OLFML2B: variants seen among roughly 807,000 people sequenced by gnomAD.
The protein encoded by OLFML2B is olfactomedin-like protein 2B.
In OLFML2B, 57 loss-of-function variants were observed where a neutral mutation model predicts 74.9. That is an observed-to-expected ratio of 0.76 (90% CI 0.61 to 0.95). The LOEUF (loss-of-function observed/expected upper bound fraction) is 0.95, where lower values mean the gene tolerates loss of function less well. Ranked by LOEUF, OLFML2B falls within the 40% of genes least tolerant of loss-of-function variation. OLFML2B has a pLI of 0.00. For missense variants in OLFML2B, 986 were observed against 970.6 expected, an observed-to-expected ratio of 1.02 and a Z score of -0.21; for synonymous variants, 388 against 405.8, an observed-to-expected ratio of 0.96 and a Z score of 0.53.
chr1:161,992,952 A>G (rs1187869717), intron 6 of OLFML2B, among the ~76,000 whole-genome samples: 1 of 114,980 alleles, frequency 8.7e-6, no homozygotes. Context: ...CGTTGCCACA[A>G]AGCTTCAGTC....
In OLFML2B at chr1:161,998,163, G is replaced by A. The variant is rs145215702; in HGVS notation, c.1136C>T (p.Ser379Leu). ...GTTGGCGATGCTGGGATCTGAGGTC[G>A]AGGGCTGTGGCAGTGCTGAGGACCA... ...APWSSALPQP[S>L]TSDPSIANHA... Residue 379 changes from serine (S) to leucine (L), a missense_variant, in exon 6 of 8, where the codon TCG becomes TTG. Physicochemically the swap from Ser to Leu is moderately radical, Grantham distance 145. Transcript: ENST00000294794. 267 of 1,614,104 alleles carry A rather than the reference G, an allele frequency of 1.7e-4. No individual in the cohort carries two copies. Among genetic ancestry groups the A allele is most frequent in the Middle Eastern group, 5.0e-4 (3 of 6,032 alleles).
chr1:162,017,064 A>G (rs1690561024), intron 3 of OLFML2B, among the ~76,000 whole-genome samples: 1 of 152,252 alleles, frequency 6.6e-6, no homozygotes, highest in Non-Finnish European at 1.5e-5. Flanking sequence ...CTCCACCTTA[A>G]AACTGGAGGT....
chr1:161,985,982 T>G (rs947130333), intron 6 of OLFML2B, among the ~76,000 whole-genome samples: 1 of 152,196 alleles, frequency 6.6e-6, no homozygotes, highest in African/African-American at 2.4e-5. Context: ...GTATTATTAT[T>G]GAGCATAGCC....
intron 1 of OLFML2B, among the ~76,000 whole-genome samples, chr1:162,020,741 C>T (rs1690680422): frequency 6.6e-6 from 1 of 152,142 alleles, no homozygotes; most frequent in African/African-American, 2.4e-5. Context: ...TCTTGAACTC[C>T]TGACCCTAAG....
At chr1:162,003,374 A>T (rs947313711) in intron 4 of OLFML2B, among the ~76,000 whole-genome samples, 1 of 152,152 alleles carries the variant, frequency 6.6e-6, no homozygotes, top group African/African-American at 2.4e-5. Flanking sequence ...GCAGGTTGTC[A>T]TTTCTTCGCC....
intron 5 of OLFML2B, 119 bp downstream of exon 5, chr1:161,999,994 G>C: frequency 2.6e-6 from 2 of 759,874 alleles, no homozygotes; most frequent in South Asian, 3.6e-5. Context: ...GGCCACAGCA[G>C]TAATTGGAAT....
At chr1:162,006,522 G>A (rs1259861008) in intron 3 of OLFML2B, 49 bp from the exon 4 acceptor site, 8 of 1,419,660 alleles carry the variant, frequency 5.6e-6, no homozygotes, top group Non-Finnish European at 6.7e-6. Flanking sequence ...CTGAAGACAA[G>A]CAGGAGGCAG....
intron 1 of OLFML2B, among the ~76,000 whole-genome samples, chr1:162,021,278 A>T (rs1439740033): frequency 6.6e-6 from 1 of 152,284 alleles, no homozygotes; most frequent in Non-Finnish European, 1.5e-5. Context: ...CAAACCCAGG[A>T]AAGCAAACTG....
intron 4 of OLFML2B, among the ~76,000 whole-genome samples, chr1:162,001,601 G>A (rs901805532): frequency 5.3e-5 from 8 of 152,188 alleles, no homozygotes; most frequent in East Asian, 1.9e-4. Context: ...CATTTCTATT[G>A]TTTAAGGCAC....
chr1:162,001,712 T>A (rs1409593243), intron 4 of OLFML2B, among the ~76,000 whole-genome samples: 2 of 152,198 alleles, frequency 1.3e-5, no homozygotes, highest in Non-Finnish European at 2.9e-5. Context: ...ACAGGCACTA[T>A]TTAGGGATGT....
rs768466389 is a variant in OLFML2B, at chr1:162,020,073, C to G, written c.284G>C (p.Gly95Ala). 2 of 1,614,178 alleles carry G rather than the reference C, an allele frequency of 1.2e-6. No individual in the cohort carries two copies. The highest frequency in any genetic ancestry group is 2.2e-5 in the South Asian group (2 of 91,088). Reference sequence around the variant, plus strand: ...ATAGAAGTCTTCCTTCCTGGAGGCCCCCGCATTGATCCTCTGGCAGGCATC... The same window carrying G: ...ATAGAAGTCTTCCTTCCTGGAGGCCGCCGCATTGATCCTCTGGCAGGCATC... Reference protein sequence around the residue: ...GRDACQRINAGASRKEDFYTV... With the variant: ...GRDACQRINAAASRKEDFYTV... Residue 95 changes from glycine (G) to alanine (A), a missense_variant, in exon 2 of 8, where the codon GGG becomes GCG. By Grantham distance (60) the Gly-to-Ala change is moderately conservative (BLOSUM62 0). Transcript: ENST00000294794.
chr1:162,020,322 T>C, intron 1 of OLFML2B, 140 bp from the exon 2 acceptor site: 3 of 916,992 alleles, frequency 3.3e-6, no homozygotes, highest in Non-Finnish European at 4.8e-6. Flanking sequence ...AGCCAATAGG[T>C]CACTGAGATG....
intron 2 of OLFML2B, among the ~76,000 whole-genome samples, chr1:162,019,088 A>G (rs994987377): frequency 2.6e-5 from 4 of 152,172 alleles, no homozygotes; most frequent in African/African-American, 7.2e-5. Context: ...GCTGAAAGAG[A>G]CACTAATGAT....
intron 5 of OLFML2B, 118 bp downstream of exon 5, chr1:161,999,995 T>G: frequency 1.3e-6 from 1 of 759,248 alleles, no homozygotes; most frequent in Non-Finnish European, 2.2e-6. Flanking sequence ...GCCACAGCAG[T>G]AATTGGAATG....
At chr1:162,015,756 T>A (rs1346677921) in intron 3 of OLFML2B, among the ~76,000 whole-genome samples, 1 of 152,176 alleles carries the variant, frequency 6.6e-6, no homozygotes, top group Non-Finnish European at 1.5e-5. Context: ...ATGTCATCAT[T>A]TTGGCTGTTA....
At chr1:162,019,878 G>T in intron 2 of OLFML2B, 41 bp downstream of exon 2, 2 of 1,600,992 alleles carry the variant, frequency 1.2e-6, no homozygotes, top group Non-Finnish European at 1.7e-6. Flanking sequence ...GATCTCAAAA[G>T]TGCCCTCTCG....
At chr1:162,006,230 G>A (rs1690225338) in intron 4 of OLFML2B, 67 bp downstream of exon 4, 1 of 1,439,660 alleles carries the variant, frequency 6.9e-7, no homozygotes, top group South Asian at 1.5e-5. Flanking sequence ...GTTCTATGCA[G>A]AGGAGAGATG....
intron 3 of OLFML2B, among the ~76,000 whole-genome samples, chr1:162,008,887 G>A (rs979738556): frequency 6.6e-6 from 1 of 152,188 alleles, no homozygotes; most frequent in Non-Finnish European, 1.5e-5. Flanking sequence ...GACGGGAAAA[G>A]TTCCTGGCCC....
chr1:161,998,171 T>C lies in OLFML2B; in HGVS notation c.1128A>G (p.Pro376=), dbSNP rs1342261242. ...ARTAPWSSAL[P]QPSTSDPSIA... ...TGCTGGGATCTGAGGTCGAGGGCTG[T>C]GGCAGTGCTGAGGACCAGGGTGCGG... The change falls in exon 6 of 8, where the codon CCA becomes CCG. Residue 376 remains proline (P), a synonymous_variant. Coordinates refer to ENST00000294794, the MANE Select transcript of OLFML2B (RefSeq NM_015441.3). 6 of 1,614,102 alleles carry C rather than the reference T, an allele frequency of 3.7e-6. No individual in the cohort carries two copies. In the South Asian group the frequency reaches 6.6e-5, roughly 18 times the overall value.
Sources: gnomAD v4.1 joint callset for allele counts (sites outside exome capture counted in the v4.1 genomes callset) on GRCh38, gnomAD v4.1.1 for gene constraint, MANE v1.5 for transcripts, NCBI Gene and HGNC (gene_info 2026-07-23, HGNC 2026-07-21) for gene names.